Variants in TPP2 observed in about 807,000 individuals in gnomAD.
TPP2 encodes the protein tripeptidyl peptidase 2, also known as tripeptidyl-peptidase 2.
In TPP2, 34 loss-of-function variants were observed where a neutral mutation model predicts 155.9. The ratio of observed to expected loss-of-function variants is 0.22; its 90% CI spans 0.17 to 0.29. The LOEUF is 0.29. TPP2 is among the 10% of genes least tolerant of loss of function. The probability of loss-of-function intolerance (pLI) is 1.00; values close to 1 mark genes in which losing one functional copy is unlikely to be tolerated. For missense variants in TPP2, 1,028 were observed against 1,522.3 expected, an observed-to-expected ratio of 0.68 and a Z score of 5.40; for synonymous variants, 510 against 529.4, an observed-to-expected ratio of 0.96 and a Z score of 0.50.
intron 23 of TPP2, among the ~76,000 whole-genome samples, chr13:102,650,234 A>G (rs1211359511): frequency 6.6e-6 from 1 of 152,084 alleles, no homozygotes; most frequent in African/African-American, 2.4e-5. Context: ...ATGCCAGTAA[A>G]AGTTGTCATT....
At chr13:102,625,303 T>C (rs1881528137) in intron 6 of TPP2, among the ~76,000 whole-genome samples, 1 of 151,590 alleles carries the variant, frequency 6.6e-6, no homozygotes, top group Non-Finnish European at 1.5e-5. Context: ...TAGCTGGGAC[T>C]GCAGGCGCCC....
At chr13:102,636,538 A>G (rs1882395633) in intron 13 of TPP2, 146 bp downstream of exon 13, 1 of 1,063,500 alleles carries the variant, frequency 9.4e-7, no homozygotes, top group South Asian at 2.2e-5. Context: ...TAGTCATAAG[A>G]GAAAATATTA....
At chr13:102,597,520 G>A (rs898627144) in intron 1 of TPP2, among the ~76,000 whole-genome samples, 1 of 152,154 alleles carries the variant, frequency 6.6e-6, no homozygotes, top group African/African-American at 2.4e-5. Flanking sequence ...TCCCCCTTTG[G>A]CCCCAGGGAC....
chr13:102,653,818 G>A (rs1883669429), intron 24 of TPP2, among the ~76,000 whole-genome samples: 1 of 152,158 alleles, frequency 6.6e-6, no homozygotes, highest in Admixed American at 6.5e-5. Context: ...AAGAACTAAA[G>A]AAATTGCCAT....
At chr13:102,662,152 G>A (rs1884272421) in intron 25 of TPP2, among the ~76,000 whole-genome samples, 1 of 152,178 alleles carries the variant, frequency 6.6e-6, no homozygotes, top group Non-Finnish European at 1.5e-5. Flanking sequence ...GTAGTAGCCA[G>A]TCACAAAAAG....
chr13:102,665,084 T>A, intron 27 of TPP2, 159 bp downstream of exon 27: 1 of 1,000,134 alleles, frequency 1.0e-6, no homozygotes, highest in Non-Finnish European at 1.4e-6. Context: ...TTAGAAATTT[T>A]AAAATAATTT....
chr13:102,629,737 C>T (rs1881889507), intron 9 of TPP2, 128 bp downstream of exon 9: 1 of 1,284,626 alleles, frequency 7.8e-7, no homozygotes, highest in South Asian at 1.9e-5. Flanking sequence ...CCTCAGGAAA[C>T]TTATAGTCTG....
At chr13:102,636,857 C>T (rs976493512) in intron 13 of TPP2, among the ~76,000 whole-genome samples, 2 of 152,140 alleles carry the variant, frequency 1.3e-5, no homozygotes, top group South Asian at 2.1e-4. Flanking sequence ...TTCACTTAAA[C>T]TCTTTATTTT....
chr13:102,647,976 A>G (rs1006563167), intron 21 of TPP2, among the ~76,000 whole-genome samples: 2 of 152,146 alleles, frequency 1.3e-5, no homozygotes, highest in African/African-American at 4.8e-5. Context: ...ATTTTTTTCA[A>G]TTAGTTGTTA....
At chr13:102,653,880 T>C (rs1001154469) in intron 24 of TPP2, among the ~76,000 whole-genome samples, 2 of 152,218 alleles carry the variant, frequency 1.3e-5, no homozygotes, top group Non-Finnish European at 2.9e-5. Context: ...AGAGTAGTTA[T>C]TGGTTTGGCA....
At chr13:102,632,757 T>G (rs921800053) in intron 10 of TPP2, among the ~76,000 whole-genome samples, 1 of 152,204 alleles carries the variant, frequency 6.6e-6, no homozygotes, top group African/African-American at 2.4e-5. Flanking sequence ...CTAAACCTTG[T>G]TATCTGTGAT....
At chr13:102,651,475 A>T in intron 24 of TPP2, 78 bp downstream of exon 24, 1 of 1,453,544 alleles carries the variant, frequency 6.9e-7, no homozygotes, top group Admixed American at 2.1e-5. Context: ...ACTATTATAA[A>T]CCTTTTTTTT....
At chr13:102,624,852 C>CTTTTTT (rs1029486604) in intron 6 of TPP2, among the ~76,000 whole-genome samples, 34 of 83,424 alleles carry the variant, frequency 4.1e-4, no homozygotes, top group East Asian at 6.9e-4. Flanking sequence ...TTTTTTTTTC[C>CTTTTTT]TTTTTTTTTT....
At chr13:102,639,429 A>G (rs1281113969) in intron 15 of TPP2, among the ~76,000 whole-genome samples, 3 of 152,214 alleles carry the variant, frequency 2.0e-5, no homozygotes, top group East Asian at 3.9e-4. Flanking sequence ...TTAAATTCTC[A>G]GCCGTATATT....
intron 2 of TPP2, among the ~76,000 whole-genome samples, chr13:102,605,831 C>T (rs527894936): frequency 1.3e-5 from 2 of 151,560 alleles, no homozygotes; most frequent in South Asian, 2.1e-4. Context: ...TCTAGCAATT[C>T]TCCTGCCTCA....
At chr13:102,627,431 C>A (rs1010422138) in intron 7 of TPP2, among the ~76,000 whole-genome samples, 1 of 151,994 alleles carries the variant, frequency 6.6e-6, no homozygotes, top group Non-Finnish European at 1.5e-5. Flanking sequence ...TTTTGAGATA[C>A]TTAAAAAGAA....
At chr13:102,654,794 C>G (rs1883745575) in intron 24 of TPP2, 1 of 331,590 alleles carries the variant, frequency 3.0e-6, no homozygotes, top group Admixed American at 3.7e-5. Flanking sequence ...GATGTGTTGT[C>G]TTTGCTGTAC....
chr13:102,627,370 A>G (rs1326632873), intron 7 of TPP2, among the ~76,000 whole-genome samples: 1 of 152,102 alleles, frequency 6.6e-6, no homozygotes, highest in African/African-American at 2.4e-5. Flanking sequence ...CCTTTGTGAA[A>G]AAATTACTTA....
Position 102,616,477 on chromosome 13 carries a change from G to T in TPP2, c.472G>T (p.Val158Phe), listed in dbSNP as rs961399503. ...EACRKQEEFD[V>F]ANNGSSQANK... ...CTGTAGAAAACAGGAAGAATTTGATGTTGCCAACAACGGCTCTTCTCAAGT... is the reference window on the plus strand; with the variant it reads ...CTGTAGAAAACAGGAAGAATTTGATTTTGCCAACAACGGCTCTTCTCAAGT... The change falls in exon 4 of 30, where the codon GTT (valine) becomes TTT (phenylalanine). Residue 158 changes from valine (V) to phenylalanine (F), a missense_variant. Around this residue, in one of 7 missense-constraint regions of TPP2, gnomAD observed 300 missense variants for 398.3 expected, o/e 0.75. Coordinates refer to ENST00000376052, the MANE Select transcript of TPP2 (RefSeq NM_001330588.2). 2 of 1,611,650 alleles carry T rather than the reference G, an allele frequency of 1.2e-6. No individual in the cohort carries two copies. Among genetic ancestry groups the T allele is most frequent in the African/African-American group, 2.7e-5 (2 of 74,870 alleles).
Sources: gnomAD v4.1 joint callset for allele counts (sites outside exome capture counted in the v4.1 genomes callset) on GRCh38, gnomAD v4.1.1 for gene constraint, gnomAD v4.1.1 regional missense constraint, MANE v1.5 for transcripts, NCBI Gene and HGNC (gene_info 2026-07-23, HGNC 2026-07-21) for gene names.